The following MYO1B variants were observed in gnomAD, a reference collection of about 807,000 sequenced individuals.
MYO1B encodes the protein myosin IB, also known as unconventional myosin-Ib.
In MYO1B, 72 loss-of-function variants were observed where a neutral mutation model predicts 159.7. That is an observed-to-expected ratio of 0.45 (90% CI 0.37 to 0.55). The LOEUF is 0.55. Ranked by LOEUF, MYO1B falls within the 20% of genes least tolerant of loss-of-function variation. The probability of loss-of-function intolerance (pLI) is 0.00; values close to 1 mark genes in which losing one functional copy is unlikely to be tolerated. For missense variants in MYO1B, 1,062 were observed against 1,364.8 expected (o/e 0.78, Z 3.50); for synonymous variants, 468 against 473.8 (o/e 0.99, Z 0.16).
At chr2:191,248,886 G>A (rs1685950894) in intron 1 of MYO1B, among the ~76,000 whole-genome samples, 1 of 152,166 alleles carries the variant, frequency 6.6e-6, no homozygotes, top group Non-Finnish European at 1.5e-5. Context: ...TATTATTGTA[G>A]TTGATTCTTC....
intron 18 of MYO1B, among the ~76,000 whole-genome samples, chr2:191,391,833 T>C (rs2126103482): frequency 6.6e-6 from 1 of 152,364 alleles, no homozygotes; most frequent in East Asian, 1.9e-4. Flanking sequence ...GTATTTTTGA[T>C]ACAAGTATTG....
At chr2:191,413,106 T>G (rs777101000) in intron 27 of MYO1B, among the ~76,000 whole-genome samples, 4 of 152,206 alleles carry the variant, frequency 2.6e-5, no homozygotes, top group Non-Finnish European at 5.9e-5. Context: ...GGTTTAAGGT[T>G]TCATTTCCAA....
intron 1 of MYO1B, among the ~76,000 whole-genome samples, chr2:191,251,679 T>TA (rs529526553): frequency 9.2e-5 from 14 of 152,190 alleles, no homozygotes; most frequent in Non-Finnish European, 1.8e-4. Flanking sequence ...TAAATTTGTT[T>TA]AAAAAAAGAA....
chr2:191,359,160 T>C (rs1395628938), intron 7 of MYO1B, among the ~76,000 whole-genome samples: 2 of 152,230 alleles, frequency 1.3e-5, no homozygotes, highest in South Asian at 4.1e-4. Context: ...TCGTACTGCA[T>C]GTTTAACATT....
At chr2:191,363,933 CACTTTTT>C in intron 10 of MYO1B, 58 bp downstream of exon 10, 1 of 1,598,250 alleles carries the variant, frequency 6.3e-7, no homozygotes, top group South Asian at 1.1e-5. Context: ...AACTTCTCCC[CACTTTTT>C]AATGTAGAAA....
intron 21 of MYO1B, among the ~76,000 whole-genome samples, chr2:191,396,744 T>C (rs956070343): frequency 2.0e-5 from 3 of 152,212 alleles, no homozygotes; most frequent in Non-Finnish European, 2.9e-5. Flanking sequence ...CTTGAAATAA[T>C]ACCCGTACAT....
intron 2 of MYO1B, 75 bp from the exon 3 acceptor site, chr2:191,296,036 C>A: frequency 6.6e-6 from 5 of 760,102 alleles, no homozygotes; most frequent in Non-Finnish European, 9.9e-6. Flanking sequence ...TGAAACCATA[C>A]AACACTAAAG....
intron 20 of MYO1B, among the ~76,000 whole-genome samples, chr2:191,394,669 G>A (rs1443908338): frequency 6.6e-6 from 1 of 152,200 alleles, no homozygotes; most frequent in Non-Finnish European, 1.5e-5. Context: ...ACCTAAGCTA[G>A]AGTGGTCAAG....
Position 191,416,120 on chromosome 2 carries a change from A to G in MYO1B, c.3165A>G (p.Ser1055=), listed in dbSNP as rs1697547523. 6.2e-7 allele frequency: 1 copy of G among 1,613,904 alleles called. No individual in the cohort carries two copies. The highest frequency in any genetic ancestry group is 1.1e-5 in the South Asian group (1 of 91,014). The part of the protein sequence containing the change: ...GFFAVHLKEG[S]EAASKGDFLF... ...CTCTTGGTTTGTCCTTGCAGGGCTCAGAAGCAGCTAGTAAAGGAGACTTTC... is the reference window on the plus strand; with the variant it reads ...CTCTTGGTTTGTCCTTGCAGGGCTCGGAAGCAGCTAGTAAAGGAGACTTTC... The change falls in exon 30 of 31, where the codon TCA becomes TCG. Residue 1055 remains serine, a synonymous_variant. Coordinates refer to ENST00000392318, the MANE Select transcript of MYO1B (RefSeq NM_001130158.3).
intron 3 of MYO1B, among the ~76,000 whole-genome samples, chr2:191,314,950 G>A (rs145501938): frequency 6.6e-6 from 1 of 152,116 alleles, no homozygotes; most frequent in African/African-American, 2.4e-5. Context: ...TTTTTAAATT[G>A]TAGATTTTTT....
At chr2:191,281,885 C>A (rs1289766791) in intron 2 of MYO1B, among the ~76,000 whole-genome samples, 1 of 152,050 alleles carries the variant, frequency 6.6e-6, no homozygotes, top group Non-Finnish European at 1.5e-5. Flanking sequence ...ATTTTTAGAT[C>A]TTATGTTAAA....
At chr2:191,374,509 T>C (rs944672182) in intron 13 of MYO1B, among the ~76,000 whole-genome samples, 2 of 152,198 alleles carry the variant, frequency 1.3e-5, no homozygotes, top group African/African-American at 4.8e-5. Flanking sequence ...TTAGCTGAGC[T>C]GGTGGAAACC....
chr2:191,321,974 C>T (rs1225836247), intron 3 of MYO1B, among the ~76,000 whole-genome samples: 2 of 152,150 alleles, frequency 1.3e-5, no homozygotes, highest in Admixed American at 6.6e-5. Flanking sequence ...CTCACCCCTG[C>T]TTCCACATAC....
At chr2:191,418,582 C>T (rs955873320) in intron 30 of MYO1B, among the ~76,000 whole-genome samples, 6 of 150,908 alleles carry the variant, frequency 4.0e-5, no homozygotes, top group African/African-American at 1.2e-4. Flanking sequence ...CTCCGCCTCC[C>T]GGGTTCAAGG....
intron 1 of MYO1B, among the ~76,000 whole-genome samples, chr2:191,250,953 C>G (rs1414013687): frequency 6.6e-6 from 1 of 152,072 alleles, no homozygotes; most frequent in Non-Finnish European, 1.5e-5. Context: ...AGCTGTTGTC[C>G]CTCTCCTTCC....
intron 2 of MYO1B, among the ~76,000 whole-genome samples, chr2:191,283,021 A>G (rs142714537): frequency 2.6e-5 from 4 of 152,330 alleles, no homozygotes; most frequent in Admixed American, 2.6e-4. Context: ...GCCTAGATAA[A>G]GCTGTTGAAA....
chr2:191,383,389 T>G (rs748169132), intron 15 of MYO1B, 47 bp downstream of exon 15: 29 of 1,250,798 alleles, frequency 2.3e-5, no homozygotes, highest in Non-Finnish European at 3.2e-5. Flanking sequence ...AGTCCTATAA[T>G]TCACCCTTAT....
At chr2:191,370,446 C>A (rs1371919949) in intron 13 of MYO1B, among the ~76,000 whole-genome samples, 154 bp downstream of exon 13, 2 of 151,996 alleles carry the variant, frequency 1.3e-5, no homozygotes, top group Non-Finnish European at 2.9e-5. Context: ...AATCTGCCAA[C>A]AAATCTTTGT....
intron 23 of MYO1B, chr2:191,402,317 T>C (rs1181059306): frequency 2.9e-6 from 1 of 341,840 alleles, no homozygotes; most frequent in Non-Finnish European, 5.5e-6. Context: ...AGTGAAAGAG[T>C]GTGGAGAAGG....
Sources: gnomAD v4.1 joint callset for allele counts (sites outside exome capture counted in the v4.1 genomes callset) on GRCh38, gnomAD v4.1.1 for gene constraint, MANE v1.5 for transcripts, NCBI Gene and HGNC (gene_info 2026-07-23, HGNC 2026-07-21) for gene names.